Variants in CSMD3 observed in about 807,000 individuals in gnomAD.
CSMD3 encodes the protein CUB and sushi domain-containing protein 3.
A neutral mutation model predicts 435.2 loss-of-function variants in CSMD3; 177 were observed. The observed-to-expected ratio is 0.41, with a 90% CI of 0.36 to 0.46. CSMD3 has a LOEUF of 0.46. Among genes scored for constraint, CSMD3 ranks in the 20% least tolerant of loss-of-function variants. CSMD3 has a pLI of 0.34. For synonymous variants in CSMD3, 1,656 were observed against 1,520.5 expected, an observed-to-expected ratio of 1.09 and a Z score of -2.07; for missense variants, 4,265 against 4,504.6, an observed-to-expected ratio of 0.95 and a Z score of 1.52.
At chr8:112,405,203 A>C (rs1200993365) in intron 35 of CSMD3, among the ~76,000 whole-genome samples, 2 of 40,034 alleles carry the variant, frequency 5.0e-5, no homozygotes, top group Non-Finnish European at 1.1e-4. Context: ...AAAAAAAAAA[A>C]AAAAAACCCC....
rs553223505 is a variant in CSMD3, at chr8:112,303,876, A to C, written c.8266+845T>G. The stretch of plus-strand genomic sequence containing the variant: ...TTGATCTCTTTATTAGTTTGTCTAT[A>C]AATCATGGGTCTCTATGCAATATAT... On this transcript the variant is annotated intron_variant, in intron 52 of 70. Coordinates refer to ENST00000297405, the MANE Select transcript of CSMD3 (RefSeq NM_198123.2). Among the ~76,000 whole-genome samples the C allele has an allele frequency of 1.1e-4, 16 of 152,264 alleles. No individual in the cohort carries two copies. In the East Asian group the frequency reaches 2.9e-3, roughly 28 times the overall value.
intron 3 of CSMD3, among the ~76,000 whole-genome samples, chr8:113,260,651 A>G (rs2093419358): frequency 6.6e-6 from 1 of 152,178 alleles, no homozygotes; most frequent in Non-Finnish European, 1.5e-5. Flanking sequence ...ATACATGTGC[A>G]GAATGTGCAG....
At chr8:112,609,118 C>T (rs893129328) in intron 22 of CSMD3, among the ~76,000 whole-genome samples, 1 of 142,442 alleles carries the variant, frequency 7.0e-6, no homozygotes, top group Non-Finnish European at 1.5e-5. Flanking sequence ...AGGAGAATCG[C>T]TTGAACCTGG....
intron 32 of CSMD3, among the ~76,000 whole-genome samples, chr8:112,423,895 T>C (rs1812782566): frequency 1.3e-5 from 2 of 152,170 alleles, no homozygotes; most frequent in South Asian, 2.1e-4. Context: ...CCATGCGTTG[T>C]CTAGGCCTGG....
At chr8:112,630,509 G>T (rs530863737) in intron 22 of CSMD3, among the ~76,000 whole-genome samples, 1 of 151,898 alleles carries the variant, frequency 6.6e-6, no homozygotes, top group Non-Finnish European at 1.5e-5. Context: ...ATTTACACAG[G>T]GTTCAACACA....
chr8:113,149,053 A>G (rs1021162744), intron 4 of CSMD3, among the ~76,000 whole-genome samples: 3 of 151,756 alleles, frequency 2.0e-5, no homozygotes, highest in African/African-American at 7.2e-5. Flanking sequence ...GAAAATGTGT[A>G]TTTTATGGAA....
chr8:113,045,982 C>A (rs1052061331), intron 5 of CSMD3, among the ~76,000 whole-genome samples: 6 of 149,414 alleles, frequency 4.0e-5, no homozygotes, highest in African/African-American at 1.5e-4. Context: ...TTACTTTTGC[C>A]TGCCTTTAAA....
At chr8:113,374,334 T>C (rs1449006121) in intron 1 of CSMD3, among the ~76,000 whole-genome samples, 1 of 152,124 alleles carries the variant, frequency 6.6e-6, no homozygotes, top group Non-Finnish European at 1.5e-5. Flanking sequence ...CATTGGCATA[T>C]ATTCCTTGCA....
chr8:113,367,776 C>G (rs1294202172), intron 1 of CSMD3, among the ~76,000 whole-genome samples: 1 of 151,980 alleles, frequency 6.6e-6, no homozygotes, highest in East Asian at 1.9e-4. Flanking sequence ...TGTATTTTTT[C>G]ATAATTCAAG....
chr8:112,607,210 A>G (rs1431012850), intron 22 of CSMD3, among the ~76,000 whole-genome samples: 1 of 151,814 alleles, frequency 6.6e-6, no homozygotes, highest in Non-Finnish European at 1.5e-5. Flanking sequence ...TACCATCACA[A>G]TTACATGCTA....
intron 1 of CSMD3, among the ~76,000 whole-genome samples, chr8:113,388,068 G>T (rs1378585871): frequency 2.6e-5 from 4 of 151,596 alleles, no homozygotes; most frequent in Non-Finnish European, 5.9e-5. Context: ...GCCTGAATAG[G>T]CCAGAAAGGG....
intron 22 of CSMD3, among the ~76,000 whole-genome samples, chr8:112,620,818 G>C (rs1468414237): frequency 6.6e-6 from 1 of 152,110 alleles, no homozygotes; most frequent in African/African-American, 2.4e-5. Flanking sequence ...ACCAAAGGCT[G>C]CATTTCTCCA....
chr8:113,097,557 C>G (rs941976114), intron 5 of CSMD3, among the ~76,000 whole-genome samples: 15 of 151,918 alleles, frequency 9.9e-5, no homozygotes, highest in African/African-American at 3.4e-4. Context: ...TCTATATATC[C>G]AATTATATTG....
At chr8:112,312,503 G>A (rs1237348889) in intron 49 of CSMD3, among the ~76,000 whole-genome samples, 2 of 151,994 alleles carry the variant, frequency 1.3e-5, no homozygotes, top group Non-Finnish European at 2.9e-5. Flanking sequence ...CAATCCACTC[G>A]CCTCAGCCTC....
chr8:112,224,864 A>G lies in CSMD3; in HGVS notation c.11031T>C (p.Phe3677=), dbSNP rs577479131. 203 of 1,614,096 alleles carry G rather than the reference A, an allele frequency of 1.3e-4. 2 individuals carry two copies. The South Asian group carries it at 2.1e-3, about 17-fold the overall frequency. ...CGTTGGTGTCATACATGGGATTTTC[A>G]AAAGCTGCTTGGCCATTGTTATTTT... ...VHENNNGQAA[F]ENPMYDTNAK... The change falls in exon 71 of 71, where the codon TTT becomes TTC. Residue 3677 remains phenylalanine, a synonymous_variant. Coordinates refer to ENST00000297405, the MANE Select transcript of CSMD3 (RefSeq NM_198123.2).
At chr8:112,957,043 C>T (rs192439462) in intron 7 of CSMD3, among the ~76,000 whole-genome samples, 155 of 151,528 alleles carry the variant, frequency 1.0e-3, no homozygotes, top group Non-Finnish European at 1.8e-3. Context: ...ATATTTTTAA[C>T]GGAAAGAATA....
At chr8:112,237,414 G>A (rs2129996506) in intron 66 of CSMD3, 66 bp from the exon 67 acceptor site, 1 of 1,159,080 alleles carries the variant, frequency 8.6e-7, no homozygotes, top group Non-Finnish European at 1.3e-6. Flanking sequence ...GCATTAAATA[G>A]AGTATTAGTT....
At chr8:113,157,827 T>G (rs767341250) in intron 4 of CSMD3, among the ~76,000 whole-genome samples, 4 of 152,086 alleles carry the variant, frequency 2.6e-5, no homozygotes, top group African/African-American at 9.7e-5. Flanking sequence ...AATGGCTACC[T>G]CGTCAAGAAG....
chr8:113,111,130 T>C (rs777430733), intron 4 of CSMD3, among the ~76,000 whole-genome samples: 2 of 152,160 alleles, frequency 1.3e-5, no homozygotes, highest in Non-Finnish European at 2.9e-5. Context: ...GACCACAGCA[T>C]GGGACAAGGG....
Sources: gnomAD v4.1 joint callset for allele counts (sites outside exome capture counted in the v4.1 genomes callset) on GRCh38, gnomAD v4.1.1 for gene constraint, MANE v1.5 for transcripts, NCBI Gene and HGNC (gene_info 2026-07-23, HGNC 2026-07-21) for gene names.